The following NRXN3 variants were observed in gnomAD, a reference collection of about 807,000 sequenced individuals.
NRXN3 encodes neurexin III.
NRXN3 carries 32 observed loss-of-function variants against 137.6 expected under a neutral mutation model. The observed-to-expected ratio is 0.23, with a 90% CI of 0.18 to 0.31. The LOEUF (loss-of-function observed/expected upper bound fraction) is 0.31. NRXN3 is among the 10% of genes least tolerant of loss of function. The pLI is 1.00. For missense variants in NRXN3, 1,574 were observed against 2,062.5 expected (o/e 0.76, Z 4.59); for synonymous variants, 798 against 784.5 (o/e 1.02, Z -0.29).
intron 10 of NRXN3, among the ~76,000 whole-genome samples, chr14:78,881,107 CT>C: frequency 6.6e-6 from 1 of 151,776 alleles, no homozygotes; most frequent in East Asian, 1.9e-4. Flanking sequence ...GATGTGTTTG[CT>C]TCCCCTTCCA....
chr14:78,284,853 A>C (rs188936686), intron 3 of NRXN3, among the ~76,000 whole-genome samples: 2 of 152,304 alleles, frequency 1.3e-5, no homozygotes, highest in Non-Finnish European at 2.9e-5. Context: ...AAAAGGGGCA[A>C]AGGAGACCAA....
At chr14:79,394,304 A>G (rs2094948626) in intron 15 of NRXN3, among the ~76,000 whole-genome samples, 1 of 152,260 alleles carries the variant, frequency 6.6e-6, no homozygotes, top group Non-Finnish European at 1.5e-5. Flanking sequence ...TTTATCAGAT[A>G]TAGAGCTTGT....
intron 10 of NRXN3, among the ~76,000 whole-genome samples, chr14:78,876,581 G>A (rs894359226): frequency 4.7e-4 from 71 of 152,218 alleles, no homozygotes; most frequent in Admixed American, 4.5e-3. Flanking sequence ...CACATGCCAG[G>A]TAACATTTCT....
intron 8 of NRXN3, among the ~76,000 whole-genome samples, chr14:78,769,957 G>GA (rs2098721346): frequency 6.7e-6 from 1 of 148,778 alleles, no homozygotes. Context: ...TTCAATGTCT[G>GA]AGAAAAAAAA....
At chr14:79,762,466 A>G (rs1230245420) in intron 19 of NRXN3, among the ~76,000 whole-genome samples, 2 of 114,560 alleles carry the variant, frequency 1.7e-5, no homozygotes, top group African/African-American at 5.8e-5. Context: ...TCCTGGCTTC[A>G]CTTTTTTTTT....
intron 19 of NRXN3, among the ~76,000 whole-genome samples, chr14:79,752,703 C>T (rs561947153): frequency 1.3e-5 from 2 of 151,936 alleles, no homozygotes; most frequent in East Asian, 1.9e-4. Flanking sequence ...GCAACAAAAG[C>T]CAAAATTGAC....
At chr14:79,291,547 C>T (rs1261296483) in intron 15 of NRXN3, among the ~76,000 whole-genome samples, 3 of 150,308 alleles carry the variant, frequency 2.0e-5, no homozygotes, top group East Asian at 2.0e-4. Flanking sequence ...GAGGCAGACT[C>T]GGAGGCATGG....
chr14:79,148,574 A>G (rs8015502), intron 15 of NRXN3, among the ~76,000 whole-genome samples: 149,615 of 152,240 alleles, frequency 0.98, 73,571 homozygotes, highest in Middle Eastern at 1. Flanking sequence ...TGACTTCATA[A>G]GAACATGGTT....
At chr14:79,187,660 C>CAAAAAAAAAA (rs1272684800) in intron 15 of NRXN3, among the ~76,000 whole-genome samples, 1 of 20,328 alleles carries the variant, frequency 4.9e-5, no homozygotes, top group African/African-American at 1.8e-4. Flanking sequence ...GACTCCGTCT[C>CAAAAAAAAAA]AAAAAAAAAA....
At chr14:79,520,936 T>C (rs1254855695) in intron 16 of NRXN3, among the ~76,000 whole-genome samples, 1 of 152,198 alleles carries the variant, frequency 6.6e-6, no homozygotes, top group Non-Finnish European at 1.5e-5. Context: ...CAAAGGATTA[T>C]AAATTATTCT....
intron 16 of NRXN3, among the ~76,000 whole-genome samples, chr14:79,566,910 A>G (rs2097555869): frequency 6.6e-6 from 1 of 152,148 alleles, no homozygotes; most frequent in South Asian, 2.1e-4. Flanking sequence ...AATTGAAGGG[A>G]AATACATGTT....
At chr14:79,233,698 CTGTT>C (rs946910047) in intron 15 of NRXN3, among the ~76,000 whole-genome samples, 17 of 138,930 alleles carry the variant, frequency 1.2e-4, no homozygotes, top group Middle Eastern at 3.3e-3. Flanking sequence ...GTGTGTGTGT[CTGTT>C]GATCAGAAAC....
intron 4 of NRXN3, among the ~76,000 whole-genome samples, chr14:78,545,057 T>C (rs533625611): frequency 4.6e-5 from 7 of 152,248 alleles, no homozygotes; most frequent in Non-Finnish European, 1.0e-4. Flanking sequence ...ATGATAGTTT[T>C]AGATGTTGTT....
chr14:79,623,673 T>G (rs1270397443), intron 16 of NRXN3, among the ~76,000 whole-genome samples: 1 of 152,248 alleles, frequency 6.6e-6, no homozygotes, highest in Non-Finnish European at 1.5e-5. Context: ...CTCATTTGCC[T>G]GCAGATTTCA....
chr14:79,485,596 G>A (rs1052337501), intron 16 of NRXN3, among the ~76,000 whole-genome samples: 7 of 152,090 alleles, frequency 4.6e-5, no homozygotes, highest in African/African-American at 1.7e-4. Flanking sequence ...TTTTGTGTGT[G>A]TGCGTGCCTA....
At chr14:79,105,078 A>G (rs1457970899) in intron 15 of NRXN3, among the ~76,000 whole-genome samples, 9 of 152,128 alleles carry the variant, frequency 5.9e-5, no homozygotes, top group African/African-American at 1.4e-4. Context: ...TCTTGTGACC[A>G]AAAGCATAGG....
intron 10 of NRXN3, among the ~76,000 whole-genome samples, chr14:78,911,666 G>A (rs192293162): frequency 3.3e-5 from 5 of 152,270 alleles, no homozygotes; most frequent in African/African-American, 9.6e-5. Context: ...TTGAAAGCAT[G>A]TTATTTTCTG....
chr14:79,315,429 A>G (rs1004607196), intron 15 of NRXN3, among the ~76,000 whole-genome samples: 2 of 152,222 alleles, frequency 1.3e-5, no homozygotes, highest in Non-Finnish European at 2.9e-5. Flanking sequence ...GGGTCTCTGT[A>G]GAGAAACTAT....
intron 3 of NRXN3, among the ~76,000 whole-genome samples, chr14:78,278,954 G>C (rs1241938614): frequency 6.6e-6 from 1 of 152,126 alleles, no homozygotes; most frequent in Non-Finnish European, 1.5e-5. Context: ...TTGTAAAGTT[G>C]TTCTTAGATA....
Sources: allele counts gnomAD v4.1 joint callset (sites outside exome capture counted in the v4.1 genomes callset), GRCh38; gene constraint gnomAD v4.1.1; transcripts MANE v1.5; gene names NCBI Gene and HGNC (gene_info 2026-07-23, HGNC 2026-07-21).